The following SESN3 variants were observed in gnomAD, a reference collection of about 807,000 sequenced individuals.
SESN3 encodes sestrin 3, also known as sestrin-3.
A neutral mutation model predicts 55.3 loss-of-function variants in SESN3; 21 were observed. The ratio of observed to expected loss-of-function variants is 0.38; its 90% CI spans 0.27 to 0.55. SESN3 has a LOEUF of 0.55. Among genes scored for constraint, SESN3 ranks in the 20% least tolerant of loss-of-function variants. SESN3 has a pLI of 0.76. For synonymous variants in SESN3, 181 were observed against 203.1 expected (o/e 0.89, Z 0.93); for missense variants, 408 against 604.3 (o/e 0.68, Z 3.41).
chr11:95,201,431 T>G (rs1029467676), intron 1 of SESN3: 1 of 152,094 alleles, frequency 6.6e-6, no homozygotes, highest in Non-Finnish European at 1.5e-5. Context: ...TGAGTTTAAT[T>G]TGCAGTGCAG....
At chr11:95,196,603 G>A (rs894556055) in intron 1 of SESN3, among the ~76,000 whole-genome samples, 1 of 151,852 alleles carries the variant, frequency 6.6e-6, no homozygotes, top group South Asian at 2.1e-4. Context: ...CTAGACCTAC[G>A]TTCCCCAACA....
intron 1 of SESN3, 90 bp from the exon 2 acceptor site, chr11:95,193,612 A>C (rs1207998983): frequency 4.0e-6 from 3 of 740,858 alleles, no homozygotes; most frequent in Non-Finnish European, 6.9e-6. Context: ...TACTAAAATA[A>C]AGAGAATAAA....
At chr11:95,194,682 G>A (rs1381052791) in intron 1 of SESN3, among the ~76,000 whole-genome samples, 1 of 152,112 alleles carries the variant, frequency 6.6e-6, no homozygotes, top group Non-Finnish European at 1.5e-5. Flanking sequence ...AGGACTGCAT[G>A]TTAAGAGGAT....
chr11:95,229,519 G>GA (rs11337381), intron 1 of SESN3, among the ~76,000 whole-genome samples: 14 of 149,030 alleles, frequency 9.4e-5, no homozygotes, highest in Admixed American at 3.3e-4. Flanking sequence ...AAAATAGGAA[G>GA]AAAAAAAAAA....
rs1335032621 is a variant in SESN3, at chr11:95,169,627, T to C, written c.*3628A>G. The C allele has an allele frequency of 6.6e-6, 1 of 152,176 alleles. No individual in the cohort carries two copies. Among genetic ancestry groups the C allele is most frequent in the East Asian group, 1.9e-4 (1 of 5,200 alleles). The allele number at this position is 152,176 out of a possible 1,614,324, so 9.4% of individuals were successfully genotyped here. On this transcript the variant is annotated 3_prime_UTR_variant, in exon 10 of 10. Coordinates refer to ENST00000536441, the MANE Select transcript of SESN3 (RefSeq NM_144665.4). ...TATGCACTGAAATTTATTTTTTCCA[T>C]GAGGAATTGTCCTTAGAGTTCAAAA... is the stretch of plus-strand genomic sequence containing the variant.
At chr11:95,214,487 T>C (rs1860716344) in intron 1 of SESN3, among the ~76,000 whole-genome samples, 1 of 152,194 alleles carries the variant, frequency 6.6e-6, no homozygotes, top group South Asian at 2.1e-4. Flanking sequence ...GGTCCATATA[T>C]AATACACATG....
rs146666544 is a variant in SESN3, at chr11:95,177,701, T to C, written c.1247+18A>G. 0.016 allele frequency: 25,639 copies of C among 1,567,526 alleles called. 295 individuals carry two copies. The highest frequency in any genetic ancestry group is 0.02 in the Non-Finnish European group (22,864 of 1,157,800). On this transcript the variant is annotated intron_variant, in intron 8 of 9. Coordinates refer to ENST00000536441, the MANE Select transcript of SESN3 (RefSeq NM_144665.4). ...TTTCACTTAGAAATGTAAAAAACTG[T>C]CTCTACAATGAACATACCTGATTCC... is the stretch of plus-strand genomic sequence containing the variant.
intron 1 of SESN3, among the ~76,000 whole-genome samples, chr11:95,216,937 C>G (rs1003608940): frequency 4.0e-5 from 6 of 151,634 alleles, no homozygotes; most frequent in South Asian, 2.1e-4. Context: ...GAAACCCTGT[C>G]TCTACTAAAA....
chr11:95,226,521 T>G (rs1860950863), intron 1 of SESN3, among the ~76,000 whole-genome samples: 1 of 152,208 alleles, frequency 6.6e-6, no homozygotes, highest in Non-Finnish European at 1.5e-5. Flanking sequence ...CAAGCAACTT[T>G]CAAGTATTTT....
At chr11:95,206,605 T>G (rs1231245340) in intron 1 of SESN3, among the ~76,000 whole-genome samples, 1 of 152,152 alleles carries the variant, frequency 6.6e-6, no homozygotes, top group Non-Finnish European at 1.5e-5. Context: ...TCTCCTCCCA[T>G]TTTCCAGATT....
chr11:95,192,620 C>G (rs1860288662), intron 2 of SESN3, among the ~76,000 whole-genome samples: 1 of 152,044 alleles, frequency 6.6e-6, no homozygotes, highest in Admixed American at 6.6e-5. Flanking sequence ...GCTGGCTTCG[C>G]AGTCTGAAAA....
intron 1 of SESN3, among the ~76,000 whole-genome samples, chr11:95,199,746 GCAA>G (rs1860427642): frequency 1.3e-5 from 2 of 151,816 alleles, no homozygotes; most frequent in Non-Finnish European, 2.9e-5. Flanking sequence ...AAGTGGAAAA[GCAA>G]AATCATACAT....
In SESN3 at chr11:95,191,499, T is replaced by C; in HGVS notation, c.247A>G (p.Thr83Ala). The change falls in exon 3 of 10, where the codon ACT becomes GCT. Residue 83 changes from threonine (T) to alanine (A), a missense_variant. Physicochemically the swap from Thr to Ala is moderately conservative, Grantham distance 58. This residue lies in a region of SESN3 where 107 missense variants were observed against 211.3 expected (regional missense o/e 0.51). Coordinates refer to ENST00000536441, the MANE Select transcript of SESN3 (RefSeq NM_144665.4). ...CGCAAGAAAGACTCCAGGTACTGAGTGTGTAAACTCATGACCTGTGTGATG... is the reference window on the plus strand; with the variant it reads ...CGCAAGAAAGACTCCAGGTACTGAGCGTGTAAACTCATGACCTGTGTGATG... ...DNITQVMSLH[T>A]QYLESFLRSQ... is the part of the protein sequence containing the mutation. 1 of 1,612,960 alleles carries C rather than the reference T, an allele frequency of 6.2e-7. No homozygotes were observed. The highest frequency in any genetic ancestry group is 1.3e-5 in the African/African-American group (1 of 74,936).
rs1860125435 is a variant in SESN3 at position 95,184,453 on chromosome 11, A to G, written c.904T>C (p.Ser302Pro). Residue 302 changes from serine (S) to proline (P), a missense_variant, in exon 6 of 10, where the codon TCT becomes CCT. Coordinates refer to ENST00000536441, the MANE Select transcript of SESN3 (RefSeq NM_144665.4). ...GGAAATGAATGAAAAGTATCTCCAG[A>G]GACCACAAAAAGACTTTCTTTCTTC... ...KEKKESLFVV[S>P]GDTFHSFPHS... 1.2e-6 allele frequency: 2 copies of G among 1,613,686 alleles called. No individual in the cohort carries two copies. Among genetic ancestry groups the G allele is most frequent in the Non-Finnish European group, 8.5e-7 (1 of 1,179,810 alleles).
chr11:95,173,249 G>A lies in SESN3; in HGVS notation c.*6C>T, dbSNP rs374523250. 1.4e-5 allele frequency: 21 copies of A among 1,546,106 alleles called. No individual in the cohort carries two copies. In the African/African-American group the frequency reaches 1.6e-4, roughly 12 times the overall value. Reference sequence around the variant, plus strand: ...CACATGTATGACATTTTCCTTGGGTGATACTTCAGGTCAAATGCCGAGTTA... The same window carrying A: ...CACATGTATGACATTTTCCTTGGGTAATACTTCAGGTCAAATGCCGAGTTA... On this transcript the variant is annotated 3_prime_UTR_variant, in exon 10 of 10. Coordinates refer to ENST00000536441, the MANE Select transcript of SESN3 (RefSeq NM_144665.4).
chr11:95,231,167 GCCACCGCCACCA>G lies in SESN3; in HGVS notation c.-319_-308del, dbSNP rs1389736120. On this transcript the variant is annotated 5_prime_UTR_variant, in exon 1 of 10. Coordinates refer to ENST00000536441, the MANE Select transcript of SESN3 (RefSeq NM_144665.4). ...GCTAGGACGAGCAGCCGCCACCGCTGCCACCGCCACCACCGCCGCCGCAGCGCCTCAGTGCGG... is the reference window on the plus strand; with the variant it reads ...GCTAGGACGAGCAGCCGCCACCGCTGCCGCCGCCGCAGCGCCTCAGTGCGG... 2.5e-6 allele frequency: 1 copy of G among 406,522 alleles called. No homozygotes were observed. The highest frequency in any genetic ancestry group is 3.6e-5 in the East Asian group (1 of 27,462). 25.2% of individuals were successfully genotyped at this position (406,522 alleles called of 1,614,324 possible).
chr11:95,205,057 T>A (rs1860523352), intron 1 of SESN3, among the ~76,000 whole-genome samples: 5 of 152,154 alleles, frequency 3.3e-5, no homozygotes, highest in Non-Finnish European at 7.3e-5. Flanking sequence ...AGCAGAAATT[T>A]GTCAGGATAC....
intron 1 of SESN3, among the ~76,000 whole-genome samples, chr11:95,205,815 C>T (rs1433455471): frequency 6.6e-6 from 1 of 152,074 alleles, no homozygotes; most frequent in African/African-American, 2.4e-5. Context: ...CACCTGTTCA[C>T]AAACTTCTCA....
chr11:95,179,258 G>A (rs1454600282), intron 6 of SESN3, among the ~76,000 whole-genome samples: 2 of 151,854 alleles, frequency 1.3e-5, no homozygotes, highest in African/African-American at 2.4e-5. Context: ...GGGTTCAAGC[G>A]ATTCTTCTGC....
Sources: gnomAD v4.1 joint callset for allele counts (sites outside exome capture counted in the v4.1 genomes callset) on GRCh38, gnomAD v4.1.1 for gene constraint, gnomAD v4.1.1 regional missense constraint, MANE v1.5 for transcripts, NCBI Gene and HGNC (gene_info 2026-07-23, HGNC 2026-07-21) for gene names.